The following PLEKHG4B variants were observed in gnomAD, a reference collection of about 807,000 sequenced individuals.
PLEKHG4B encodes pleckstrin homology domain-containing family G member 4B.
Under a neutral mutation model 121.3 loss-of-function variants are expected in PLEKHG4B, and 111 were observed. The ratio of observed to expected loss-of-function variants is 0.92; its 90% CI spans 0.78 to 1.07. PLEKHG4B has a LOEUF of 1.07. Among genes scored for constraint, PLEKHG4B ranks in the 50% least tolerant of loss-of-function variants. PLEKHG4B has a pLI of 0.00. For synonymous variants in PLEKHG4B, 738 were observed against 725.0 expected (o/e 1.02, Z -0.29); for missense variants, 1,831 against 1,757.8 (o/e 1.04, Z -0.74).
In PLEKHG4B at chr5:140,235, C is replaced by T; in HGVS notation, c.996C>T (p.Ile332=). 7.0e-7 allele frequency: 1 copy of T among 1,430,742 alleles called. No homozygotes were observed. Among genetic ancestry groups the T allele is most frequent in the Non-Finnish European group, 9.2e-7 (1 of 1,081,232 alleles). The allele number at this position is 1,430,742 out of a possible 1,614,324, so 88.6% of individuals were successfully genotyped here. ...TCACCTTCCACACAGACCTGGGCAT[C>T]CCGAGCAGCAGGAGGCGGCCGCCGG... The part of the protein sequence containing the change: ...KALTFHTDLG[I]PSSRRRPPGD... Residue 332 remains isoleucine (I), a synonymous_variant, in exon 3 of 20, where the codon ATC becomes ATT. Coordinates refer to ENST00000637938, the MANE Select transcript of PLEKHG4B (RefSeq NM_052909.5).
At chr5:170,203 T>C (rs1392792081) in intron 14 of PLEKHG4B, among the ~76,000 whole-genome samples, 2 of 152,248 alleles carry the variant, frequency 1.3e-5, no homozygotes, top group Non-Finnish European at 2.9e-5. Context: ...CACTGAGTGC[T>C]GTGGGCAGAT....
rs745502673 is a variant in PLEKHG4B at position 171,265 on chromosome 5, C to T, written c.3871C>T (p.Arg1291Trp). 1.7e-5 allele frequency: 27 copies of T among 1,610,188 alleles called. No individual in the cohort carries two copies. The highest frequency in any genetic ancestry group is 1.6e-4 in the Middle Eastern group (1 of 6,078). The stretch of plus-strand genomic sequence containing the variant: ...AATGGACCTGGCCTCCTACCTGCTG[C>T]GGCCCGTGCAGCGTGTGGCCAAGTA... The part of the protein sequence containing the change: ...DKMDLASYLL[R>W]PVQRVAKYAL... Residue 1291 changes from arginine (R) to tryptophan (W), a missense_variant, in exon 16 of 20, where the codon CGG becomes TGG. Physicochemically the swap from Arg to Trp is moderately radical, Grantham distance 101. Coordinates refer to ENST00000637938, the MANE Select transcript of PLEKHG4B (RefSeq NM_052909.5).
chr5:117,391 A>T (rs1734335934), intron 2 of PLEKHG4B, among the ~76,000 whole-genome samples: 1 of 152,218 alleles, frequency 6.6e-6, no homozygotes, highest in African/African-American at 2.4e-5. Context: ...ATATTGAGAT[A>T]AATGGTCATG....
At position 182,180 on chromosome 5, in the gene PLEKHG4B, A is replaced by G; in HGVS notation, c.4741A>G (p.Ser1581Gly). 2 of 1,613,904 alleles carry G rather than the reference A, an allele frequency of 1.2e-6. No homozygotes were observed. The highest frequency in any genetic ancestry group is 2.7e-5 in the African/African-American group (2 of 75,030). The change falls in exon 20 of 20, where the codon AGC (serine) becomes GGC (glycine). Residue 1581 changes from serine (S) to glycine (G), a missense_variant. By Grantham distance (56) the Ser-to-Gly change is moderately conservative (BLOSUM62 0). Coordinates refer to ENST00000637938, the MANE Select transcript of PLEKHG4B (RefSeq NM_052909.5). ...SSSPAHPGLW[S>G]PAHSPWSSDI... Reference sequence around the variant, plus strand: ...CAGCCCAGCCCACCCGGGCCTATGGAGCCCTGCCCACAGCCCCTGGTCATC... The same window carrying G: ...CAGCCCAGCCCACCCGGGCCTATGGGGCCCTGCCCACAGCCCCTGGTCATC...
intron 8 of PLEKHG4B, 22 bp from the exon 9 acceptor site, chr5:155,323 C>T (rs777374048): frequency 6.3e-7 from 1 of 1,592,566 alleles, no homozygotes. Flanking sequence ...CTTATAATCT[C>T]CTCCCTCTCA....
intron 13 of PLEKHG4B, among the ~76,000 whole-genome samples, chr5:165,940 A>C (rs867996447): frequency 2.5e-3 from 23 of 9,254 alleles, no homozygotes; most frequent in South Asian, 0.011. Flanking sequence ...GCTCACAGTA[A>C]TCCTCTGACG....
rs1379927491 is a variant in PLEKHG4B, at chr5:182,689, G to A, written c.*366G>A. ...AGACAGGAAAACGGGAGGTGAGCCC[G>A]GTGATGGCCTCAGACCTCCCTCCGC... On this transcript the variant is annotated 3_prime_UTR_variant, in exon 20 of 20. Transcript: ENST00000637938. 2 of 261,992 alleles carry A rather than the reference G, an allele frequency of 7.6e-6. No homozygotes were observed. The highest frequency in any genetic ancestry group is 4.9e-5 in the Admixed American group (1 of 20,456). 16.2% of individuals were successfully genotyped at this position (261,992 alleles called of 1,614,324 possible). A position where few individuals can be genotyped will look rare whatever the true frequency, so the allele number is the denominator to read the frequency against.
intron 1 of PLEKHG4B, among the ~76,000 whole-genome samples, chr5:108,169 C>T (rs1734031803): frequency 6.6e-6 from 1 of 152,146 alleles, no homozygotes; most frequent in South Asian, 2.1e-4. Flanking sequence ...AGCTTTTCAC[C>T]AGGACCTGGG....
In PLEKHG4B at chr5:163,446, T is replaced by G. The variant is rs1203479078; in HGVS notation, c.3374T>G (p.Leu1125Arg). ...GTAGCCACAGAGAAGAAGCTCCCGC[T>G]GTGGCAGCATGCCAGGAGCCCCCCG... ...STVATEKKLPLWQHARSPPVT... is the reference protein window; with the variant it reads ...STVATEKKLPRWQHARSPPVT... The change falls in exon 13 of 20, where the codon CTG becomes CGG. Residue 1125 changes from leucine (L) to arginine (R), a missense_variant. Physicochemically the swap from Leu to Arg is moderately radical, Grantham distance 102. Transcript: ENST00000637938. 1 of 1,612,826 alleles carries G rather than the reference T, an allele frequency of 6.2e-7. No individual in the cohort carries two copies. Among genetic ancestry groups the G allele is most frequent in the Non-Finnish European group, 8.5e-7 (1 of 1,180,042 alleles).
At chr5:119,662 G>A (rs1012032149) in intron 2 of PLEKHG4B, among the ~76,000 whole-genome samples, 2 of 152,212 alleles carry the variant, frequency 1.3e-5, no homozygotes, top group African/African-American at 4.8e-5. Context: ...TGGAGAGACA[G>A]TGCCGTCCTA....
In PLEKHG4B at chr5:92,206, C is replaced by CG; in HGVS notation, c.-24dup. On this transcript the variant is annotated 5_prime_UTR_variant, in exon 1 of 20. Coordinates refer to ENST00000637938, the MANE Select transcript of PLEKHG4B (RefSeq NM_052909.5). ...ACCAGGCAGAGTTCGGGGAAAGCGT[C>CG]GGAGTTCGGGAGACCAGGGTCCAGC... The CG allele has an allele frequency of 2.7e-6, 1 of 365,240 alleles. No individual in the cohort carries two copies. Among genetic ancestry groups the CG allele is most frequent in the Middle Eastern group, 7.1e-4 (1 of 1,410 alleles). 22.6% of individuals were successfully genotyped at this position (365,240 alleles called of 1,614,324 possible).
intron 6 of PLEKHG4B, among the ~76,000 whole-genome samples, chr5:145,358 T>C (rs1377302948): frequency 6.6e-6 from 1 of 152,140 alleles, no homozygotes; most frequent in African/African-American, 2.4e-5. Flanking sequence ...GGGGCAGCCA[T>C]AGTTCACTGC....
At chr5:105,478 A>G (rs1318553176) in intron 1 of PLEKHG4B, among the ~76,000 whole-genome samples, 2 of 152,262 alleles carry the variant, frequency 1.3e-5, no homozygotes, top group African/African-American at 4.8e-5. Context: ...ATTAGTTTCA[A>G]TCATCTTGTC....
chr5:160,046 T>C (rs1216109603), intron 11 of PLEKHG4B, among the ~76,000 whole-genome samples: 1 of 152,264 alleles, frequency 6.6e-6, no homozygotes, highest in Non-Finnish European at 1.5e-5. Context: ...CTCCACGTTG[T>C]GACCGGACAG....
At chr5:168,137 G>A (rs1736412999) in intron 13 of PLEKHG4B, among the ~76,000 whole-genome samples, 1 of 152,200 alleles carries the variant, frequency 6.6e-6, no homozygotes, top group South Asian at 2.1e-4. Context: ...TCCTGCAGAT[G>A]TGTGTGTTGT....
rs1348111490 is a variant in PLEKHG4B, at chr5:163,549, G to A, written c.3476+1G>A. On this transcript the variant is annotated splice_donor_variant, in intron 13 of 19. Transcript: ENST00000637938. LOFTEE classifies it high-confidence loss of function. ...AGGATGGGAGGCAGCAGGTGGGCAGGTGAGGTGGACGTCCCCCTCCTCTCG... is the reference window on the plus strand; with the variant it reads ...AGGATGGGAGGCAGCAGGTGGGCAGATGAGGTGGACGTCCCCCTCCTCTCG... 1.3e-6 allele frequency: 2 copies of A among 1,581,742 alleles called. No homozygotes were observed. The highest frequency in any genetic ancestry group is 2.7e-5 in the African/African-American group (2 of 74,058).
intron 7 of PLEKHG4B, among the ~76,000 whole-genome samples, chr5:153,843 C>T (rs1304083245): frequency 6.6e-6 from 1 of 151,956 alleles, no homozygotes; most frequent in African/African-American, 2.4e-5. Flanking sequence ...TGCACTAGCA[C>T]GCTCCACTAA....
intron 1 of PLEKHG4B, among the ~76,000 whole-genome samples, chr5:109,947 A>G (rs1734088209): frequency 6.6e-6 from 1 of 151,524 alleles, no homozygotes; most frequent in African/African-American, 2.4e-5. Flanking sequence ...GCACACACCC[A>G]CACAATCTGC....
chr5:135,909 A>T (rs1174161898), intron 2 of PLEKHG4B, among the ~76,000 whole-genome samples: 1 of 151,528 alleles, frequency 6.6e-6, no homozygotes, highest in African/African-American at 2.4e-5. Flanking sequence ...ACACTTCCTG[A>T]TTTTAAAACT....
Sources: allele counts gnomAD v4.1 joint callset (sites outside exome capture counted in the v4.1 genomes callset), GRCh38; gene constraint gnomAD v4.1.1; transcripts MANE v1.5; gene names NCBI Gene and HGNC (gene_info 2026-07-23, HGNC 2026-07-21).